PGRMC2: variants seen among roughly 807,000 people sequenced by gnomAD.
PGRMC2 encodes membrane-associated progesterone receptor component 2.
Under a neutral mutation model 19.3 loss-of-function variants are expected in PGRMC2, and 9 were observed. That is an observed-to-expected ratio of 0.47 (90% CI 0.28 to 0.81). The LOEUF (loss-of-function observed/expected upper bound fraction) is 0.81, where lower values mean the gene tolerates loss of function less well. PGRMC2 is among the 40% of genes least tolerant of loss of function. The pLI is 0.11. For missense variants in PGRMC2, 289 were observed against 297.3 expected (o/e 0.97, Z 0.21); for synonymous variants, 157 against 124.6 (o/e 1.26, Z -1.73).
Position 128,287,554 on chromosome 4 carries a change from A to AACCCCCCCCCCCCCCCC in PGRMC2, c.236_237insGGGGGGGGGGGGGGGGT (p.Leu80GlyfsTer25). The AACCCCCCCCCCCCCCCC allele has an allele frequency of 4.3e-6, 4 of 924,836 alleles. No homozygotes were observed. Among genetic ancestry groups the AACCCCCCCCCCCCCCCC allele is most frequent in the South Asian group, 1.5e-5 (1 of 67,126 alleles). The allele number at this position is 924,836 out of a possible 1,614,324, so 57.3% of individuals were successfully genotyped here. A position where few individuals can be genotyped will look rare whatever the true frequency, so the allele number is the denominator to read the frequency against. ...CGCCCGCCCCGGCCCCGGCCCCCAG[A>AACCCCCCCCCCCCCCCC]CCCCGCCGCCCCCAGCGCACCCACA... On this transcript the variant is annotated frameshift_variant, in exon 1 of 3. Transcript: ENST00000296425. LOFTEE classifies it high-confidence loss of function.
intron 1 of PGRMC2, among the ~76,000 whole-genome samples, chr4:128,281,505 C>A (rs1288617754): frequency 6.6e-6 from 1 of 151,728 alleles, no homozygotes; most frequent in African/African-American, 2.4e-5. Flanking sequence ...ATAAAAAAAT[C>A]AATCAGAGAA....
intron 1 of PGRMC2, among the ~76,000 whole-genome samples, chr4:128,286,224 C>CTAATTTAA (rs1561618950): frequency 6.6e-6 from 1 of 151,940 alleles, no homozygotes; most frequent in African/African-American, 2.4e-5. Context: ...CTTTAGGTCT[C>CTAATTTAA]TAATTTAATT....
chr4:128,286,608 C>T (rs1306124779), intron 1 of PGRMC2: 2 of 398,244 alleles, frequency 5.0e-6, no homozygotes, highest in African/African-American at 2.1e-5. Flanking sequence ...AAAAAGAAAC[C>T]AGAGACACGC....
Position 128,270,985 on chromosome 4 carries a change from AAGAAAGAAAG to A in PGRMC2, c.*321_*330del, listed in dbSNP as rs1479800700. On this transcript the variant is annotated 3_prime_UTR_variant, in exon 3 of 3. Transcript: ENST00000296425. ...CTGGTTGTCTTCAATATATTTTAAA[AAGAAAGAAAG>A]AGAAAGAAGAAAGGAAAGAAGGAAA... 1.2e-4 allele frequency: 22 copies of A among 180,810 alleles called. No homozygotes were observed. Among genetic ancestry groups the A allele is most frequent in the Admixed American group, 1.0e-3 (17 of 16,528 alleles). 11.2% of individuals were successfully genotyped at this position (180,810 alleles called of 1,614,324 possible).
Position 128,271,087 on chromosome 4 carries a change from C to CAAAA in PGRMC2, c.*228_*229insTTTT, listed in dbSNP as rs1473961981. 5.8e-6 allele frequency: 2 copies of CAAAA among 346,682 alleles called. No homozygotes were observed. Among genetic ancestry groups the CAAAA allele is most frequent in the African/African-American group, 4.2e-5 (2 of 47,372 alleles). The allele number at this position is 346,682 out of a possible 1,614,324, so 21.5% of individuals were successfully genotyped here. A position where few individuals can be genotyped will look rare whatever the true frequency, so the allele number is the denominator to read the frequency against. On this transcript the variant is annotated 3_prime_UTR_variant, in exon 3 of 3. Coordinates refer to ENST00000296425, the MANE Select transcript of PGRMC2 (RefSeq NM_006320.6). ...AAAAAAATCCCTGTCTCCTTCTTTT[C>CAAAA]AGGATGATGAAGCCCCACTAGACAT...
intron 2 of PGRMC2, 140 bp downstream of exon 2, chr4:128,272,222 A>G: frequency 1.9e-6 from 1 of 519,584 alleles, no homozygotes; most frequent in Non-Finnish European, 3.1e-6. Flanking sequence ...ACCCAGCTTT[A>G]GCTATCTTTA....
rs548191493 is a variant in PGRMC2 at position 128,271,324 on chromosome 4, G to C, written c.664C>G (p.Gln222Glu). The change falls in exon 3 of 3, where the codon CAG becomes GAG. Residue 222 changes from glutamine to glutamate, a missense_variant. Gln to Glu is a conservative substitution (Grantham distance 29). Transcript: ENST00000296425. Reference sequence around the variant, plus strand: ...TTGGTTGTTTACAAAGTTCAATCCTGTTTATTGTGATCCTTGGTATCTTCT... The same window carrying C: ...TTGGTTGTTTACAAAGTTCAATCCTCTTTATTGTGATCCTTGGTATCTTCT... ...DEEDTKDHNK[Q>E]D 24 of 1,579,414 alleles carry C rather than the reference G, an allele frequency of 1.5e-5. No individual in the cohort carries two copies. The highest frequency in any genetic ancestry group is 2.7e-5 in the African/African-American group (2 of 74,144).
chr4:128,271,849 A>G (rs1760734840), intron 2 of PGRMC2, among the ~76,000 whole-genome samples: 1 of 152,248 alleles, frequency 6.6e-6, no homozygotes. Context: ...GAAAGGGGAA[A>G]GATATTTTTT....
At position 128,269,365 on chromosome 4, in the gene PGRMC2, T is replaced by C. The variant is rs1444577609; in HGVS notation, c.*1951A>G. 6.6e-6 allele frequency: 1 copy of C among 152,208 alleles called. No homozygotes were observed. The highest frequency in any genetic ancestry group is 1.9e-4 in the East Asian group (1 of 5,202). 9.4% of individuals were successfully genotyped at this position (152,208 alleles called of 1,614,324 possible). A position where few individuals can be genotyped will look rare whatever the true frequency, so the allele number is the denominator to read the frequency against. On this transcript the variant is annotated 3_prime_UTR_variant, in exon 3 of 3. Transcript: ENST00000296425. ...AGGGTTTCTCTATTCACAAGTACAGTTTATTACTAGACTTTAGGCTTGAAT... is the reference window on the plus strand; with the variant it reads ...AGGGTTTCTCTATTCACAAGTACAGCTTATTACTAGACTTTAGGCTTGAAT...
intron 1 of PGRMC2, among the ~76,000 whole-genome samples, chr4:128,281,189 G>C (rs1467896395): frequency 6.6e-6 from 1 of 152,156 alleles, no homozygotes; most frequent in Non-Finnish European, 1.5e-5. Flanking sequence ...AAACAGGATG[G>C]GGGAGGAATC....
chr4:128,278,439 G>A (rs1234251896), intron 1 of PGRMC2, among the ~76,000 whole-genome samples: 1 of 152,106 alleles, frequency 6.6e-6, no homozygotes, highest in Non-Finnish European at 1.5e-5. Context: ...GGGCACGGTG[G>A]TGGGCGCCTG....
At chr4:128,276,387 C>G (rs183360322) in intron 1 of PGRMC2, among the ~76,000 whole-genome samples, 6 of 152,264 alleles carry the variant, frequency 3.9e-5, no homozygotes, top group African/African-American at 1.4e-4. Context: ...GTGATCTCAA[C>G]TCACTGCAAC....
intron 1 of PGRMC2, chr4:128,286,556 C>A (rs1760985996): frequency 2.5e-6 from 1 of 397,068 alleles, no homozygotes; most frequent in Non-Finnish European, 4.4e-6. Flanking sequence ...AGTGAAAACA[C>A]AAGTCATTAT....
At position 128,287,775 on chromosome 4, in the gene PGRMC2, C is replaced by T. The variant is rs1171375690; in HGVS notation, c.16G>A (p.Gly6Arg). Residue 6 changes from glycine (G) to arginine (R), a missense_variant, in exon 1 of 3, where the codon GGG (glycine) becomes AGG (arginine). Coordinates refer to ENST00000296425, the MANE Select transcript of PGRMC2 (RefSeq NM_006320.6). MAAGD[G>R]DVKLGTLGSG... ...CCCAGGGTGCCTAGCTTCACGTCCC[C>T]ATCACCAGCCGCCATCACTGCCCGC... 3 of 1,479,410 alleles carry T rather than the reference C, an allele frequency of 2.0e-6. No homozygotes were observed. The highest frequency in any genetic ancestry group is 2.8e-6 in the Non-Finnish European group (3 of 1,079,462). 91.6% of individuals were successfully genotyped at this position (1,479,410 alleles called of 1,614,324 possible). A position where few individuals can be genotyped will look rare whatever the true frequency, so the allele number is the denominator to read the frequency against.
Position 128,287,610 on chromosome 4 carries a change from C to G in PGRMC2, c.181G>C (p.Val61Leu). ...GGEMLLNVALVALVLLGAYRL... is the reference protein window; with the variant it reads ...GGEMLLNVALLALVLLGAYRL... ...TAGGCCCCCAGCAGCACCAGAGCCA[C>G]CAGCGCCACGTTCAGCAGCATTTCC... is the stretch of plus-strand genomic sequence containing the variant. Residue 61 changes from valine to leucine, a missense_variant, in exon 1 of 3, where the codon GTG (valine) becomes CTG (leucine). Transcript: ENST00000296425. 1.3e-6 allele frequency: 2 copies of G among 1,538,558 alleles called. No homozygotes were observed. The highest frequency in any genetic ancestry group is 8.7e-7 in the Non-Finnish European group (1 of 1,145,094).
chr4:128,284,268 T>G (rs1296913545), intron 1 of PGRMC2, among the ~76,000 whole-genome samples: 10 of 152,220 alleles, frequency 6.6e-5, no homozygotes, highest in Non-Finnish European at 1.3e-4. Flanking sequence ...CCATCTGGAT[T>G]TATTAGACAT....
intron 1 of PGRMC2, chr4:128,287,169 G>T (rs1009441497): frequency 9.5e-5 from 48 of 504,472 alleles, no homozygotes; most frequent in African/African-American, 9.3e-4. Flanking sequence ...GGTTTCGGGG[G>T]AAGAACTGGA....
intron 1 of PGRMC2, among the ~76,000 whole-genome samples, chr4:128,277,786 C>A (rs1760835319): frequency 6.6e-6 from 1 of 152,128 alleles, no homozygotes; most frequent in South Asian, 2.1e-4. Context: ...AGAGAGAATG[C>A]AGTATGGTAA....
intron 1 of PGRMC2, among the ~76,000 whole-genome samples, chr4:128,279,259 T>C (rs1038315506): frequency 6.6e-6 from 1 of 151,764 alleles, no homozygotes; most frequent in Non-Finnish European, 1.5e-5. Flanking sequence ...AATAAACAAT[T>C]TGTAGAAAAG....
Sources: allele counts gnomAD v4.1 joint callset (sites outside exome capture counted in the v4.1 genomes callset), GRCh38; gene constraint gnomAD v4.1.1; transcripts MANE v1.5; gene names NCBI Gene and HGNC (gene_info 2026-07-23, HGNC 2026-07-21).